The following TMEM135 variants were observed in gnomAD, a reference collection of about 807,000 sequenced individuals.
TMEM135 encodes peroxisomal membrane protein 52.
In TMEM135, 30 loss-of-function variants were observed where a neutral mutation model predicts 60.3. That is an observed-to-expected ratio of 0.50 (90% confidence interval 0.37 to 0.68). The LOEUF is 0.68. TMEM135 is among the 30% of genes least tolerant of loss of function. TMEM135 has a pLI of 0.00. For synonymous variants in TMEM135, 190 were observed against 186.7 expected (o/e 1.02, Z -0.14); for missense variants, 468 against 548.8 (o/e 0.85, Z 1.47).
intron 5 of TMEM135, among the ~76,000 whole-genome samples, chr11:87,211,230 T>C (rs1396124787): frequency 6.6e-6 from 1 of 152,230 alleles, no homozygotes; most frequent in Non-Finnish European, 1.5e-5. Context: ...ACACTACATC[T>C]TAGAATATGA....
At chr11:87,055,726 G>A (rs1949888118) in intron 1 of TMEM135, among the ~76,000 whole-genome samples, 1 of 152,118 alleles carries the variant, frequency 6.6e-6, no homozygotes, top group African/African-American at 2.4e-5. Flanking sequence ...GTGTAGCTGG[G>A]ACTACAAGTA....
At chr11:87,217,514 G>T (rs563427426) in intron 5 of TMEM135, among the ~76,000 whole-genome samples, 1 of 152,172 alleles carries the variant, frequency 6.6e-6, no homozygotes, top group African/African-American at 2.4e-5. Flanking sequence ...GGCCGGGTGC[G>T]GTGGCTCCTG....
intron 6 of TMEM135, among the ~76,000 whole-genome samples, chr11:87,266,224 C>A (rs1019650878): frequency 2.0e-5 from 3 of 152,074 alleles, no homozygotes; most frequent in African/African-American, 4.8e-5. Context: ...GTAATAATTT[C>A]ATGTTCTCCA....
intron 6 of TMEM135, 77 bp downstream of exon 6, chr11:87,236,761 GTATTCTCCA>G: frequency 7.2e-7 from 1 of 1,386,930 alleles, no homozygotes; most frequent in African/African-American, 1.4e-5. Flanking sequence ...CGAAACTAAA[GTATTCTCCA>G]AATAATTATC....
chr11:87,268,194 T>C (rs10898647), intron 6 of TMEM135, among the ~76,000 whole-genome samples: 5,789 of 75,696 alleles, frequency 0.076, 1,036 homozygotes, highest in African/African-American at 0.097. Context: ...TTTCTTCTTT[T>C]CTGTTTTTTT....
intron 6 of TMEM135, among the ~76,000 whole-genome samples, chr11:87,253,653 ATAT>A (rs1941465731): frequency 7.0e-4 from 3 of 4,308 alleles, no homozygotes; most frequent in Admixed American, 4.7e-3. Flanking sequence ...ATATATATAT[ATAT>A]ATATATATAT....
chr11:87,303,078 A>G (rs1047481541), intron 8 of TMEM135, among the ~76,000 whole-genome samples: 2 of 152,218 alleles, frequency 1.3e-5, no homozygotes, highest in Non-Finnish European at 2.9e-5. Flanking sequence ...GGGATCAATT[A>G]TAGCAAGGGT....
intron 6 of TMEM135, among the ~76,000 whole-genome samples, chr11:87,244,062 A>G (rs61905653): frequency 0.03 from 2,563 of 85,492 alleles, 165 homozygotes; most frequent in East Asian, 0.1. Context: ...TAGCATGAAG[A>G]GTTGTTGAAT....
chr11:87,201,946 A>G (rs1279786005), intron 5 of TMEM135, among the ~76,000 whole-genome samples: 1 of 122,132 alleles, frequency 8.2e-6, no homozygotes, highest in African/African-American at 2.8e-5. Flanking sequence ...TTTGGTATTT[A>G]TTTTTTATGT....
chr11:87,058,987 G>A (rs552872219), intron 1 of TMEM135, among the ~76,000 whole-genome samples: 2 of 150,666 alleles, frequency 1.3e-5, no homozygotes, highest in Non-Finnish European at 3.0e-5. Flanking sequence ...ACCCAGGCTG[G>A]AGTACAGTGG....
At chr11:87,118,643 T>G (rs1341011368) in intron 4 of TMEM135, among the ~76,000 whole-genome samples, 1 of 152,016 alleles carries the variant, frequency 6.6e-6, no homozygotes, top group Non-Finnish European at 1.5e-5. Context: ...ACAGATGGGG[T>G]TTCACTATGT....
intron 1 of TMEM135, among the ~76,000 whole-genome samples, chr11:87,053,072 C>G (rs1194185922): frequency 7.8e-6 from 1 of 128,670 alleles, no homozygotes; most frequent in African/African-American, 3.2e-5. Context: ...GAACAAAAAA[C>G]GAAACACCGC....
intron 4 of TMEM135, among the ~76,000 whole-genome samples, chr11:87,118,662 C>T (rs1337282130): frequency 6.6e-6 from 1 of 152,102 alleles, no homozygotes. Flanking sequence ...GTTGGCCAAG[C>T]TGCTCTCCTG....
At chr11:87,134,018 ATTTT>A (rs34749280) in intron 4 of TMEM135, among the ~76,000 whole-genome samples, 1 of 149,698 alleles carries the variant, frequency 6.7e-6, no homozygotes, top group African/African-American at 2.5e-5. Context: ...ATATGCTTTC[ATTTT>A]TTTTTTTCCC....
rs59945346 is a variant in TMEM135 at position 87,269,065 on chromosome 11, GT to G, written c.510-26705del. Among the ~76,000 whole-genome samples the G allele has an allele frequency of 5.0e-3, 725 of 145,146 alleles. 5 individuals are homozygous for G. Among genetic ancestry groups the G allele is most frequent in the African/African-American group, 0.015 (604 of 40,174 alleles). The stretch of plus-strand genomic sequence containing the variant: ...TCAAAATCGCTTTTAAAAATGGCTA[GT>G]TTTTTTTTTTTGAAATACGCAATGC... On this transcript the variant is annotated intron_variant, in intron 6 of 14. Coordinates refer to ENST00000305494, the MANE Select transcript of TMEM135 (RefSeq NM_022918.4).
At chr11:87,247,851 C>T (rs1056304262) in intron 6 of TMEM135, among the ~76,000 whole-genome samples, 2 of 151,964 alleles carry the variant, frequency 1.3e-5, no homozygotes, top group African/African-American at 4.8e-5. Flanking sequence ...GCGTATGTTG[C>T]CCTGCACCCA....
At chr11:87,142,081 C>T (rs1938276996) in intron 4 of TMEM135, among the ~76,000 whole-genome samples, 1 of 152,122 alleles carries the variant, frequency 6.6e-6, no homozygotes, top group South Asian at 2.1e-4. Context: ...CTTTAGATCT[C>T]TTTAAAGAGA....
chr11:87,221,171 G>T (rs1397097643), intron 5 of TMEM135, among the ~76,000 whole-genome samples: 1 of 152,154 alleles, frequency 6.6e-6, no homozygotes, highest in Non-Finnish European at 1.5e-5. Context: ...TGGAATTGAT[G>T]ATTATCAGGT....
chr11:87,302,170 G>A (rs1269767943), intron 7 of TMEM135, 126 bp from the exon 8 acceptor site: 2 of 1,007,442 alleles, frequency 2.0e-6, no homozygotes, highest in Non-Finnish European at 2.9e-6. Flanking sequence ...TATGTAAATT[G>A]TGAAAATACT....
Sources: gnomAD v4.1 joint callset for allele counts (sites outside exome capture counted in the v4.1 genomes callset) on GRCh38, gnomAD v4.1.1 for gene constraint, MANE v1.5 for transcripts, NCBI Gene and HGNC (gene_info 2026-07-23, HGNC 2026-07-21) for gene names.